Variants in RIMS2 observed in about 807,000 individuals in gnomAD.
RIMS2 encodes the protein regulating synaptic membrane exocytosis protein 2.
In RIMS2, 59 loss-of-function variants were observed where a neutral mutation model predicts 174.4. The ratio of observed to expected loss-of-function variants is 0.34; its 90% CI spans 0.27 to 0.42. The LOEUF (loss-of-function observed/expected upper bound fraction) is 0.42. Among genes scored for constraint, RIMS2 ranks in the 10% least tolerant of loss-of-function variants. The pLI is 1.00. For missense variants in RIMS2, 1,620 were observed against 1,666.3 expected (o/e 0.97, Z 0.48); for synonymous variants, 606 against 572.5 (o/e 1.06, Z -0.84).
At chr8:103,880,698 A>G (rs1240131894) in intron 3 of RIMS2, 4 of 523,328 alleles carry the variant, frequency 7.6e-6, no homozygotes, top group Non-Finnish European at 1.4e-5. Context: ...AGGTAAAATA[A>G]TGAAAATATA....
intron 1 of RIMS2, among the ~76,000 whole-genome samples, chr8:103,561,805 C>T (rs1343166658): frequency 2.0e-5 from 3 of 152,084 alleles, no homozygotes; most frequent in Non-Finnish European, 4.4e-5. Context: ...TAAAGACATA[C>T]CTGAGACTGG....
chr8:104,074,935 T>C (rs2097261943), intron 19 of RIMS2, among the ~76,000 whole-genome samples: 2 of 152,140 alleles, frequency 1.3e-5, no homozygotes, highest in African/African-American at 4.8e-5. Flanking sequence ...GTAGATTAGA[T>C]AGCCTTATAT....
At chr8:104,170,019 C>T (rs1055822128) in intron 19 of RIMS2, among the ~76,000 whole-genome samples, 4 of 152,028 alleles carry the variant, frequency 2.6e-5, no homozygotes, top group African/African-American at 9.7e-5. Flanking sequence ...CCACTCTCAT[C>T]TGAGAAGATA....
intron 2 of RIMS2, among the ~76,000 whole-genome samples, chr8:103,698,577 A>G (rs2097133287): frequency 6.6e-6 from 1 of 152,164 alleles, no homozygotes; most frequent in African/African-American, 2.4e-5. Context: ...GCTTTGTATT[A>G]CTGGGATAAA....
chr8:103,511,502 A>G lies in RIMS2; in HGVS notation c.176+10440A>G, dbSNP rs1826420634. Reference sequence around the variant, plus strand: ...ATACTCTACATAAGTGTGCCTTCATATATTACTTTTTTGTAATTTTTTACC... The same window carrying G: ...ATACTCTACATAAGTGTGCCTTCATGTATTACTTTTTTGTAATTTTTTACC... On this transcript the variant is annotated intron_variant, in intron 1 of 23. Transcript: ENST00000504942. Among the ~76,000 whole-genome samples the G allele has an allele frequency of 2.0e-5, 3 of 152,176 alleles. No individual in the cohort carries two copies. In the South Asian group the frequency reaches 6.2e-4, roughly 31 times the overall value.
chr8:103,852,934 C>T (rs1396216039), intron 3 of RIMS2, among the ~76,000 whole-genome samples: 1 of 152,046 alleles, frequency 6.6e-6, no homozygotes. Context: ...AATCACATTG[C>T]TGAGTGAAAT....
At chr8:103,530,996 G>A (rs962357623) in intron 1 of RIMS2, among the ~76,000 whole-genome samples, 3 of 150,814 alleles carry the variant, frequency 2.0e-5, no homozygotes, top group South Asian at 2.1e-4. Flanking sequence ...TTTTAAAAAT[G>A]GGCAGAATTT....
At chr8:103,529,165 A>G (rs1466680200) in intron 1 of RIMS2, among the ~76,000 whole-genome samples, 1 of 152,138 alleles carries the variant, frequency 6.6e-6, no homozygotes, top group Non-Finnish European at 1.5e-5. Context: ...TGTGAATGGG[A>G]GTGCACTCAT....
intron 3 of RIMS2, among the ~76,000 whole-genome samples, chr8:103,854,623 C>T (rs2099017285): frequency 6.6e-6 from 1 of 151,590 alleles, no homozygotes; most frequent in Non-Finnish European, 1.5e-5. Context: ...TTGAGATGAA[C>T]ATATGCTTTT....
intron 16 of RIMS2, among the ~76,000 whole-genome samples, chr8:103,987,397 A>G (rs555141741): frequency 3.9e-5 from 6 of 152,314 alleles, no homozygotes; most frequent in African/African-American, 1.4e-4. Context: ...CATCATATTA[A>G]TGGACTAATG....
intron 19 of RIMS2, chr8:104,094,374 G>C: frequency 1.8e-6 from 1 of 557,550 alleles, no homozygotes; most frequent in Non-Finnish European, 3.2e-6. Context: ...CTTATGTTTT[G>C]ATAGTTTTTA....
chr8:104,188,609 T>G (rs1428775465), intron 19 of RIMS2, among the ~76,000 whole-genome samples: 2 of 151,840 alleles, frequency 1.3e-5, no homozygotes, highest in African/African-American at 4.8e-5. Context: ...TGTGCAGAGA[T>G]GTAGTATCCA....
chr8:104,197,991 A>G (rs1174959936), intron 19 of RIMS2, among the ~76,000 whole-genome samples: 2 of 151,906 alleles, frequency 1.3e-5, no homozygotes, highest in African/African-American at 2.4e-5. Context: ...AATTTTTTAA[A>G]AACTTTAAAT....
chr8:103,595,681 G>A lies in RIMS2; in HGVS notation c.176+94619G>A, dbSNP rs111994595. 3.1e-3 allele frequency among the ~76,000 whole-genome samples: 465 copies of A among 151,998 alleles called. 1 individual carries two copies. Among genetic ancestry groups the A allele is most frequent in the Non-Finnish European group, 5.6e-3 (382 of 67,838 alleles). On this transcript the variant is annotated intron_variant, in intron 1 of 23. Coordinates refer to ENST00000504942, the Ensembl canonical transcript of RIMS2. ...AAGAAGATATAATTTTCTGTACTTA[G>A]CAGTTGGGTCAGTCAGTTCATTCTT...
intron 17 of RIMS2, among the ~76,000 whole-genome samples, chr8:104,002,068 C>A (rs979642543): frequency 2.0e-5 from 3 of 152,098 alleles, no homozygotes; most frequent in Non-Finnish European, 2.9e-5. Context: ...ACCTCCAATT[C>A]TACTTTGGTC....
chr8:103,790,606 T>C (rs1298489626), intron 3 of RIMS2, among the ~76,000 whole-genome samples: 1 of 152,198 alleles, frequency 6.6e-6, no homozygotes, highest in Non-Finnish European at 1.5e-5. Context: ...CTTGTCTGTA[T>C]TTTTATTATA....
intron 14 of RIMS2, among the ~76,000 whole-genome samples, chr8:103,952,951 G>A (rs1444202352): frequency 6.6e-6 from 1 of 152,130 alleles, no homozygotes; most frequent in Non-Finnish European, 1.5e-5. Context: ...CACATCATGA[G>A]CATTTTGTGA....
At position 103,918,507 on chromosome 8, in the gene RIMS2, G is replaced by T. The variant is rs1235232001; in HGVS notation, c.2083+20G>T. The stretch of plus-strand genomic sequence containing the variant: ...AGTCCAGTAAGTTTTATTTATGCTG[G>T]AAGAAAACGTTATTTATAATTGCAT... On this transcript the variant is annotated intron_variant, in intron 9 of 23. Transcript: ENST00000504942. The T allele has an allele frequency of 2.6e-6, 4 of 1,559,000 alleles. No individual in the cohort carries two copies. In the South Asian group the frequency reaches 4.5e-5, roughly 17 times the overall value.
intron 1 of RIMS2, among the ~76,000 whole-genome samples, chr8:103,667,295 C>G (rs1392215081): frequency 6.6e-6 from 1 of 152,186 alleles, no homozygotes; most frequent in Non-Finnish European, 1.5e-5. Flanking sequence ...ATAACTTCAG[C>G]AAGAGAATTT....
Sources: allele counts gnomAD v4.1 joint callset (sites outside exome capture counted in the v4.1 genomes callset), GRCh38; gene constraint gnomAD v4.1.1; transcripts MANE v1.5; gene names NCBI Gene and HGNC (gene_info 2026-07-23, HGNC 2026-07-21).